TBX5: variants seen among roughly 807,000 people sequenced by gnomAD.
TBX5 encodes T-box transcription factor 5.
TBX5 carries 8 observed loss-of-function variants against 51.1 expected under a neutral mutation model. The ratio of observed to expected loss-of-function variants is 0.16; its 90% CI spans 0.09 to 0.28. The LOEUF is 0.28. Ranked by LOEUF, TBX5 falls within the 10% of genes least tolerant of loss-of-function variation. TBX5 has a pLI of 1.00. For synonymous variants in TBX5, 302 were observed against 266.4 expected, an observed-to-expected ratio of 1.13 and a Z score of -1.30; for missense variants, 589 against 671.7, an observed-to-expected ratio of 0.88 and a Z score of 1.36.
intron 8 of TBX5, among the ~76,000 whole-genome samples, chr12:114,365,111 G>A (rs1016601976): frequency 4.0e-5 from 6 of 151,858 alleles, no homozygotes; most frequent in Non-Finnish European, 5.9e-5. Context: ...AGAAAACTGC[G>A]GAATGCCTCA....
chr12:114,355,410 A>G lies in TBX5; in HGVS notation c.*122T>C. The G allele has an allele frequency of 7.9e-7, 1 of 1,267,300 alleles. No individual in the cohort carries two copies. Among genetic ancestry groups the G allele is most frequent in the Non-Finnish European group, 1.1e-6 (1 of 895,428 alleles). The allele number at this position is 1,267,300 out of a possible 1,614,324, so 78.5% of individuals were successfully genotyped here. A position where few individuals can be genotyped will look rare whatever the true frequency, so the allele number is the denominator to read the frequency against. On this transcript the variant is annotated 3_prime_UTR_variant, in exon 9 of 9. Coordinates refer to ENST00000405440, the MANE Select transcript of TBX5 (RefSeq NM_181486.4). Reference sequence around the variant, plus strand: ...AGCGACCTTGAGTGCAGATGTGAACATTGGGTGAAATGAAAAATCTTGTCC... The same window carrying G: ...AGCGACCTTGAGTGCAGATGTGAACGTTGGGTGAAATGAAAAATCTTGTCC...
At chr12:114,361,134 G>A (rs1459290842) in intron 8 of TBX5, among the ~76,000 whole-genome samples, 2 of 152,114 alleles carry the variant, frequency 1.3e-5, no homozygotes, top group Admixed American at 6.5e-5. Flanking sequence ...CCAATCATCA[G>A]CCACATAAGC....
At chr12:114,397,858 T>C (rs941419970) in intron 5 of TBX5, among the ~76,000 whole-genome samples, 13 of 152,256 alleles carry the variant, frequency 8.5e-5, no homozygotes, top group African/African-American at 2.9e-4. Flanking sequence ...TCATTTCCCA[T>C]CTGGAAAAGA....
In TBX5 at chr12:114,404,004, A is replaced by G. The variant is rs536487757; in HGVS notation, c.-38-68T>C. 4 of 1,514,404 alleles carry G rather than the reference A, an allele frequency of 2.6e-6. No individual in the cohort carries two copies. The African/African-American group carries it at 4.1e-5, about 16-fold the overall frequency. 93.8% of individuals were successfully genotyped at this position (1,514,404 alleles called of 1,614,324 possible). A position where few individuals can be genotyped will look rare whatever the true frequency, so the allele number is the denominator to read the frequency against. On this transcript the variant is annotated intron_variant, in intron 1 of 8. Transcript: ENST00000405440. ...AGAGAGAACGAGAGAAAGGTTGGAG[A>G]GCACAATTCTAGTGACAGGAGGGAG... is the stretch of plus-strand genomic sequence containing the variant.
At position 114,398,715 on chromosome 12, in the gene TBX5, A is replaced by G. The variant is rs1555226329; in HGVS notation, c.368T>C (p.Val123Ala). 2 of 1,600,096 alleles carry G rather than the reference A, an allele frequency of 1.2e-6. No individual in the cohort carries two copies. The highest frequency in any genetic ancestry group is 1.7e-6 in the Non-Finnish European group (2 of 1,173,414). Residue 123 changes from valine to alanine, a missense_variant, in exon 5 of 9, where the codon GTG becomes GCG. Transcript: ENST00000405440. ...CATGGCGGGCTCAGCTTTGCCCGTCACAGACCTAGATGAAGGAGAGGTGTA... is the reference window on the plus strand; with the variant it reads ...CATGGCGGGCTCAGCTTTGCCCGTCGCAGACCTAGATGAAGGAGAGGTGTA... ...RYKFADNKWS[V>A]TGKAEPAMPG...
Position 114,394,705 on chromosome 12 carries a change from C to A in TBX5, c.663+36G>T, listed in dbSNP as rs2236017. ...AGATTCATGCAAAAGAAAGAGCAGA[C>A]GGCCCCAGGCACTGGTTCCTGGGCT... is the stretch of plus-strand genomic sequence containing the variant. On this transcript the variant is annotated intron_variant, in intron 6 of 8. Transcript: ENST00000405440. 990,751 of 1,612,396 alleles carry A rather than the reference C, an allele frequency of 0.61. 308,823 individuals carry two copies. The highest frequency in any genetic ancestry group is 0.76 in the Admixed American group (45,881 of 59,986).
upstream of TBX5, chr12:114,407,943 G>A: frequency 2.0e-6 from 2 of 985,426 alleles, no homozygotes; most frequent in East Asian, 1.1e-4. Context: ...TTCTTCCAAC[G>A]TCTGTCAAGA....
rs142293206 is a variant in TBX5 at position 114,398,708 on chromosome 12, G to A, written c.375C>T (p.Gly125=). ...GGCCAGGCATGGCGGGCTCAGCTTT[G>A]CCCGTCACAGACCTAGATGAAGGAG... is the stretch of plus-strand genomic sequence containing the variant. The part of the protein sequence containing the change: ...KFADNKWSVT[G]KAEPAMPGRL... Residue 125 remains glycine, a synonymous_variant, in exon 5 of 9, where the codon GGC becomes GGT. Transcript: ENST00000405440. 41 of 1,601,378 alleles carry A rather than the reference G, an allele frequency of 2.6e-5. No individual in the cohort carries two copies. The highest frequency in any genetic ancestry group is 2.6e-5 in the Non-Finnish European group (31 of 1,174,178).
At chr12:114,388,449 G>A (rs1870944970) in intron 6 of TBX5, among the ~76,000 whole-genome samples, 1 of 151,882 alleles carries the variant, frequency 6.6e-6, no homozygotes, top group African/African-American at 2.4e-5. Context: ...GAGCCACCAT[G>A]CCCAGCTGAG....
At chr12:114,398,756 A>C in intron 4 of TBX5, 36 bp from the exon 5 acceptor site, 1 of 1,581,076 alleles carries the variant, frequency 6.3e-7, no homozygotes, top group Non-Finnish European at 8.6e-7. Flanking sequence ...GGCCTGGCTC[A>C]GAGTCTGGAG....
chr12:114,368,070 C>A (rs1477655131), intron 7 of TBX5, among the ~76,000 whole-genome samples: 3 of 152,168 alleles, frequency 2.0e-5, no homozygotes, highest in African/African-American at 4.8e-5. Context: ...GCCATCTATT[C>A]TTTAACTTAT....
At chr12:114,379,945 T>C (rs1870415075) in intron 7 of TBX5, among the ~76,000 whole-genome samples, 1 of 152,230 alleles carries the variant, frequency 6.6e-6, no homozygotes, top group Non-Finnish European at 1.5e-5. Context: ...CTTCTATCTC[T>C]ACAATTCCAC....
chr12:114,355,305 GTTTT>G lies in TBX5; in HGVS notation c.*223_*226del. 1 of 647,584 alleles carries G rather than the reference GTTTT, an allele frequency of 1.5e-6. No individual in the cohort carries two copies. Among genetic ancestry groups the G allele is most frequent in the Non-Finnish European group, 2.8e-6 (1 of 359,874 alleles). 40.1% of individuals were successfully genotyped at this position (647,584 alleles called of 1,614,324 possible). A position where few individuals can be genotyped will look rare whatever the true frequency, so the allele number is the denominator to read the frequency against. ...GGGTGGGACTCATCTTTTTGTGTTT[GTTTT>G]TTTAAGTTTTGAGACAAAACAAGAA... is the stretch of plus-strand genomic sequence containing the variant. On this transcript the variant is annotated 3_prime_UTR_variant, in exon 9 of 9. Coordinates refer to ENST00000405440, the MANE Select transcript of TBX5 (RefSeq NM_181486.4).
intron 8 of TBX5, among the ~76,000 whole-genome samples, chr12:114,360,593 T>A (rs1869182423): frequency 6.7e-6 from 1 of 149,360 alleles, no homozygotes; most frequent in East Asian, 2.0e-4. Flanking sequence ...AGTGGGTGGA[T>A]GGATAAGTGG....
At chr12:114,394,612 G>C in intron 6 of TBX5, 129 bp downstream of exon 6, 1 of 1,279,816 alleles carries the variant, frequency 7.8e-7, no homozygotes, top group Non-Finnish European at 1.1e-6. Context: ...CCCCACCCCA[G>C]CACCCTGGGG....
intron 7 of TBX5, among the ~76,000 whole-genome samples, chr12:114,367,144 G>A (rs1441907489): frequency 6.6e-6 from 1 of 151,694 alleles, no homozygotes; most frequent in African/African-American, 2.4e-5. Context: ...ATTGTTTTGG[G>A]CAGAGAGAAT....
chr12:114,373,681 A>C (rs1870043163), intron 7 of TBX5, among the ~76,000 whole-genome samples: 1 of 151,876 alleles, frequency 6.6e-6, no homozygotes, highest in South Asian at 2.1e-4. Context: ...CTGGTCTCAA[A>C]CTCCTGACCT....
chr12:114,370,181 A>G (rs1869777334), intron 7 of TBX5, among the ~76,000 whole-genome samples: 1 of 151,714 alleles, frequency 6.6e-6, no homozygotes, highest in Non-Finnish European at 1.5e-5. Context: ...CAATGAGCCA[A>G]GATAGCACCA....
intron 7 of TBX5, among the ~76,000 whole-genome samples, chr12:114,373,660 T>C (rs1165237381): frequency 2.0e-5 from 3 of 152,210 alleles, no homozygotes; most frequent in East Asian, 1.9e-4. Flanking sequence ...GGTTTCACCA[T>C]GTTGGCCAGG....
Sources: allele counts gnomAD v4.1 joint callset (sites outside exome capture counted in the v4.1 genomes callset), GRCh38; gene constraint gnomAD v4.1.1; transcripts MANE v1.5; gene names NCBI Gene and HGNC (gene_info 2026-07-23, HGNC 2026-07-21).